Variants in RAD54L2 observed in about 807,000 individuals in gnomAD.
RAD54L2 encodes the protein helicase ARIP4.
Under a neutral mutation model 138.4 loss-of-function variants are expected in RAD54L2, and 27 were observed. The observed-to-expected ratio is 0.20, with a 90% CI of 0.14 to 0.27. RAD54L2 has a LOEUF of 0.27. Among genes scored for constraint, RAD54L2 ranks in the 10% least tolerant of loss-of-function variants. The pLI is 1.00. For synonymous variants in RAD54L2, 644 were observed against 723.2 expected, an observed-to-expected ratio of 0.89 and a Z score of 1.76; for missense variants, 1,396 against 1,890.2, an observed-to-expected ratio of 0.74 and a Z score of 4.85.
In RAD54L2 at chr3:51,571,729, C is replaced by T. The variant is rs546014464; in HGVS notation, c.-54-18638C>T. 7.9e-5 allele frequency among the ~76,000 whole-genome samples: 12 copies of T among 152,216 alleles called. No homozygotes were observed. In the South Asian group the frequency reaches 2.3e-3, roughly 29 times the overall value. ...GCATAGTCGGTTATGTGTACATGTACGCATGCACACGCACATGGCATTTTC... is the reference window on the plus strand; with the variant it reads ...GCATAGTCGGTTATGTGTACATGTATGCATGCACACGCACATGGCATTTTC... On this transcript the variant is annotated intron_variant, in intron 2 of 22. Coordinates refer to ENST00000684192, the MANE Select transcript of RAD54L2 (RefSeq NM_015106.4).
Position 51,662,664 on chromosome 3 carries a change from C to T in RAD54L2, c.3648C>T (p.Pro1216=), listed in dbSNP as rs375234716. Residue 1216 remains proline, a synonymous_variant, in exon 23 of 23, where the codon CCC becomes CCT. Transcript: ENST00000684192. The surrounding 1 kb of genome is among the most constrained non-coding windows in gnomAD (Gnocchi z 4.6). ...PAQLMDSSAV[P]GTALGTEPRL... is the part of the protein sequence containing the mutation. The stretch of plus-strand genomic sequence containing the variant: ...AACTTATGGACAGCAGTGCTGTTCC[C>T]GGGACAGCTCTCGGAACTGAGCCTC... The T allele has an allele frequency of 1.7e-5, 27 of 1,613,428 alleles. No homozygotes were observed. Among genetic ancestry groups the T allele is most frequent in the Admixed American group, 6.7e-5 (4 of 59,934 alleles).
intron 2 of RAD54L2, among the ~76,000 whole-genome samples, chr3:51,589,609 T>A (rs1699791399): frequency 6.6e-6 from 1 of 151,946 alleles, no homozygotes; most frequent in Admixed American, 6.6e-5. Context: ...TTCTACTGAA[T>A]GTGTGTCATT....
chr3:51,608,025 C>T (rs1262776014), intron 3 of RAD54L2, among the ~76,000 whole-genome samples: 3 of 150,726 alleles, frequency 2.0e-5, no homozygotes, highest in Admixed American at 6.6e-5. Context: ...TCCTCACTTC[C>T]CGGACAGGGC....
intron 9 of RAD54L2, 119 bp from the exon 10 acceptor site, chr3:51,635,474 G>T (rs1700962550): frequency 1.8e-6 from 2 of 1,135,784 alleles, no homozygotes; most frequent in African/African-American, 1.6e-5. Flanking sequence ...GTAATAAGAA[G>T]TTCTGAATGT....
At position 51,645,513 on chromosome 3, in the gene RAD54L2, G is replaced by A. The variant is rs1701256431; in HGVS notation, c.2657-78G>A. 2.9e-6 allele frequency: 4 copies of A among 1,378,792 alleles called. No individual in the cohort carries two copies. The South Asian group carries it at 4.4e-5, about 15-fold the overall frequency. 85.4% of individuals were successfully genotyped at this position (1,378,792 alleles called of 1,614,324 possible). A position where few individuals can be genotyped will look rare whatever the true frequency, so the allele number is the denominator to read the frequency against. On this transcript the variant is annotated intron_variant, in intron 17 of 22. Transcript: ENST00000684192. This position sits in a 1 kb window ranked among gnomAD's most constrained non-coding sequence, Gnocchi z 6.1. ...ACCTAGTCTTTGACTTTCAGATATG[G>A]GATGACTTTTCATTATTAGTGACCT...
chr3:51,606,443 A>T (rs1700181831), intron 3 of RAD54L2, among the ~76,000 whole-genome samples: 1 of 152,100 alleles, frequency 6.6e-6, no homozygotes, highest in Admixed American at 6.6e-5. Flanking sequence ...AAAGGCAAGG[A>T]TGAGATTTTT....
intron 3 of RAD54L2, 47 bp from the exon 4 acceptor site, chr3:51,627,505 AT>A (rs1700718393): frequency 2.0e-6 from 3 of 1,518,478 alleles, no homozygotes; most frequent in Non-Finnish European, 2.7e-6. Context: ...ATCCAGACTC[AT>A]TCCCCCTCAC....
intron 3 of RAD54L2, 98 bp downstream of exon 3, chr3:51,590,657 C>A: frequency 6.7e-7 from 1 of 1,494,200 alleles, no homozygotes; most frequent in Non-Finnish European, 9.1e-7. Flanking sequence ...ATTTCTTAGG[C>A]CATCCATAGT....
chr3:51,597,209 T>G (rs1340858924), intron 3 of RAD54L2, among the ~76,000 whole-genome samples: 1 of 150,824 alleles, frequency 6.6e-6, no homozygotes, highest in African/African-American at 2.4e-5. Flanking sequence ...ACCTAGGGCT[T>G]TTCTCAAGAA....
chr3:51,620,736 G>A (rs996789939), intron 3 of RAD54L2, among the ~76,000 whole-genome samples: 2 of 152,162 alleles, frequency 1.3e-5, no homozygotes, highest in South Asian at 2.1e-4. Flanking sequence ...GCTGGCTCAC[G>A]TGAAGGAGAA....
chr3:51,631,244 G>A (rs1030126729), intron 7 of RAD54L2, among the ~76,000 whole-genome samples: 3 of 152,222 alleles, frequency 2.0e-5, no homozygotes, highest in African/African-American at 7.2e-5. Context: ...GCTCTCTGGT[G>A]AGCAGTGCTT....
intron 19 of RAD54L2, among the ~76,000 whole-genome samples, chr3:51,651,480 C>CA (rs1701435105): frequency 6.6e-6 from 1 of 151,930 alleles, no homozygotes; most frequent in Admixed American, 6.6e-5. Flanking sequence ...AGAGACACAA[C>CA]AAAAAAAGAG....
At chr3:51,552,411 C>T (rs1293183249) in intron 2 of RAD54L2, among the ~76,000 whole-genome samples, 5 of 149,764 alleles carry the variant, frequency 3.3e-5, no homozygotes, top group African/African-American at 7.4e-5. Flanking sequence ...TACAGGCACC[C>T]GCCACCACGC....
intron 3 of RAD54L2, among the ~76,000 whole-genome samples, chr3:51,604,669 T>TGACTAAATAGC (rs1700140963): frequency 6.6e-6 from 1 of 152,168 alleles, no homozygotes; most frequent in South Asian, 2.1e-4. Flanking sequence ...GTTCGCAAGG[T>TGACTAAATAGC]GACTAAATAG....
rs1218163581 is a variant in RAD54L2, at chr3:51,667,797, A to G, written c.*4377A>G. 2 of 152,226 alleles carry G rather than the reference A, an allele frequency of 1.3e-5. No individual in the cohort carries two copies. The highest frequency in any genetic ancestry group is 2.1e-4 in the South Asian group (1 of 4,834). The allele number at this position is 152,226 out of a possible 1,614,324, so 9.4% of individuals were successfully genotyped here. ...GGCCTTTTATGAATACCTGAGTCTT[A>G]TAACAATGAACTTCTTGAGCAGGCA... On this transcript the variant is annotated 3_prime_UTR_variant, in exon 23 of 23. Transcript: ENST00000684192.
chr3:51,582,529 C>T (rs1236042589), intron 2 of RAD54L2, among the ~76,000 whole-genome samples: 1 of 151,936 alleles, frequency 6.6e-6, no homozygotes, highest in Non-Finnish European at 1.5e-5. Context: ...AACTGTCATC[C>T]CTGCTTTAGC....
In RAD54L2 at chr3:51,657,916, CTTTTTTTTTT is replaced by C. The variant is rs71084155; in HGVS notation, c.3316+265_3316+274del. Among the ~76,000 whole-genome samples the C allele has an allele frequency of 3.1e-4, 27 of 87,444 alleles. 1 individual carries two copies. Among genetic ancestry groups the C allele is most frequent in the African/African-American group, 7.3e-4 (16 of 21,936 alleles). The allele number at this position is 87,444 out of a possible 152,430, so 57.4% of individuals were successfully genotyped here. ...TCCCTACATTTCTCTATCTTGCTGT[CTTTTTTTTTT>C]TTTTTTTTTTTTTTTTTGAGATGGA... On this transcript the variant is annotated intron_variant, in intron 21 of 22. Transcript: ENST00000684192.
chr3:51,550,586 G>A (rs752151524), intron 2 of RAD54L2, among the ~76,000 whole-genome samples: 3 of 151,958 alleles, frequency 2.0e-5, no homozygotes, highest in Non-Finnish European at 4.4e-5. Context: ...AACATAGGGA[G>A]GCTCTATAGC....
rs763939768 is a variant in RAD54L2 at position 51,567,941 on chromosome 3, CAAAAAAA to C, written c.-54-22412_-54-22406del. Among the ~76,000 whole-genome samples, 585 of 81,700 alleles carry C rather than the reference CAAAAAAA, an allele frequency of 7.2e-3. 12 individuals carry two copies. Among genetic ancestry groups the C allele is most frequent in the Non-Finnish European group, 6.2e-3 (237 of 38,184 alleles). 53.6% of individuals were successfully genotyped at this position (81,700 alleles called of 152,430 possible). The stretch of plus-strand genomic sequence containing the variant: ...TGGGTGACAGAGCAAGACCCTGTCT[CAAAAAAA>C]AAAAAAAAAAAAAGAATGTCTTAAA... On this transcript the variant is annotated intron_variant, in intron 2 of 22. Transcript: ENST00000684192.
Sources: allele counts gnomAD v4.1 joint callset (sites outside exome capture counted in the v4.1 genomes callset), GRCh38; gene constraint gnomAD v4.1.1; non-coding constraint Gnocchi (gnomAD v3.1); transcripts MANE v1.5; gene names NCBI Gene and HGNC (gene_info 2026-07-23, HGNC 2026-07-21).